PM20D2: variants seen among roughly 807,000 people sequenced by gnomAD.
The protein encoded by PM20D2 is xaa-Arg dipeptidase.
A neutral mutation model predicts 42.9 loss-of-function variants in PM20D2; 33 were observed. The observed-to-expected ratio is 0.77, with a 90% confidence interval of 0.58 to 1.03. The LOEUF is 1.03. PM20D2 is among the 50% of genes least tolerant of loss of function. The pLI is 0.00. For missense variants in PM20D2, 548 were observed against 557.0 expected (o/e 0.98, Z 0.16); for synonymous variants, 250 against 228.2 (o/e 1.10, Z -0.86).
the PM20D2 span, among the ~76,000 whole-genome samples, chr6:89,103,482 C>T: frequency 5.9e-5 from 9 of 152,186 alleles, no homozygotes; most frequent in Admixed American, 5.9e-4. Context: ...GCCTGTGCCA[C>T]CACACCCACC....
At chr6:89,104,757 T>TA in the PM20D2 span, among the ~76,000 whole-genome samples, 61 of 152,106 alleles carry the variant, frequency 4.0e-4, no homozygotes, top group Non-Finnish European at 7.5e-4. Context: ...ATAAAAACTT[T>TA]AAAATATTTT....
the PM20D2 span, among the ~76,000 whole-genome samples, chr6:89,130,441 A>G: frequency 6.6e-6 from 1 of 152,056 alleles, no homozygotes; most frequent in African/African-American, 2.4e-5. Context: ...CTGTGAAATA[A>G]TATGTGTGCA....
chr6:89,107,069 T>A, the PM20D2 span: 1 of 1,229,594 alleles, frequency 8.1e-7, no homozygotes. Flanking sequence ...GCAATATTAA[T>A]CTCATAACAT....
the PM20D2 span, among the ~76,000 whole-genome samples, chr6:89,111,253 C>T: frequency 2.6e-5 from 4 of 152,262 alleles, no homozygotes; most frequent in East Asian, 7.7e-4. Flanking sequence ...GGATTACAGG[C>T]ATGTGCCAGC....
chr6:89,149,316 T>G lies in PM20D2; in HGVS notation c.517T>G (p.Leu173Val), dbSNP rs773384604. The G allele has an allele frequency of 6.2e-7, 1 of 1,614,088 alleles. No individual in the cohort carries two copies. Among genetic ancestry groups the G allele is most frequent in the Non-Finnish European group, 8.5e-7 (1 of 1,179,962 alleles). ...AEEDGGGKID[L>V]IEAGAFTNLD... ...AGAAGATGGTGGTGGCAAAATTGAT[T>G]TAATTGAAGCAGGGGCTTTTACAAA... Residue 173 changes from leucine (L) to valine (V), a missense_variant, in exon 2 of 7, where the codon TTA (leucine) becomes GTA (valine). By Grantham distance (32) the Leu-to-Val change is conservative (BLOSUM62 1). This residue lies in a region of PM20D2 where 470 missense variants were observed against 464.4 expected (regional missense o/e 1.01). Transcript: ENST00000275072.
rs1582329424 is a variant in PM20D2, at chr6:89,146,524, A to G, written c.380A>G (p.Asn127Ser). 6.6e-7 allele frequency: 1 copy of G among 1,513,132 alleles called. No individual in the cohort carries two copies. Among genetic ancestry groups the G allele is most frequent in the Non-Finnish European group, 8.8e-7 (1 of 1,138,158 alleles). The allele number at this position is 1,513,132 out of a possible 1,614,324, so 93.7% of individuals were successfully genotyped here. Residue 127 changes from asparagine (N) to serine (S), a missense_variant, in exon 1 of 7, where the codon AAC becomes AGC. By Grantham distance (46) the Asn-to-Ser change is conservative. Around this residue, in one of 3 missense-constraint regions of PM20D2, gnomAD observed 470 missense variants for 464.4 expected, o/e 1.01. Transcript: ENST00000275072. ...LPGIGHACGH[N>S]LIAEVGAAAA... ...GGCATCGGCCACGCCTGCGGCCACA[A>G]CCTCATCGCTGAGGTCGGGGCGGCG...
chr6:89,122,252 A>C, the PM20D2 span, among the ~76,000 whole-genome samples: 1 of 152,222 alleles, frequency 6.6e-6, no homozygotes, highest in Non-Finnish European at 1.5e-5. Flanking sequence ...TCTTAGAAAC[A>C]TCTATTCTGA....
chr6:89,128,706 A>G, the PM20D2 span, among the ~76,000 whole-genome samples: 4 of 152,192 alleles, frequency 2.6e-5, no homozygotes, highest in Admixed American at 2.0e-4. Context: ...GGTGGGCATC[A>G]TGGTCCCACC....
chr6:89,097,418 T>C, the PM20D2 span: 3 of 152,136 alleles, frequency 2.0e-5, no homozygotes, highest in African/African-American at 4.8e-5. Context: ...GCAATAAATA[T>C]CAATAAAGTT....
the PM20D2 span, among the ~76,000 whole-genome samples, chr6:89,124,297 A>G: frequency 1.3e-5 from 2 of 152,118 alleles, no homozygotes; most frequent in African/African-American, 2.4e-5. Flanking sequence ...TGTAGTTTTA[A>G]CTCTCACACT....
chr6:89,130,812 T>TGCTG, the PM20D2 span, among the ~76,000 whole-genome samples: 4 of 98,260 alleles, frequency 4.1e-5, no homozygotes, highest in African/African-American at 1.1e-4. Context: ...GTATCTGGCT[T>TGCTG]CTTCTTCTTT....
chr6:89,109,608 G>A, the PM20D2 span, among the ~76,000 whole-genome samples: 1 of 152,204 alleles, frequency 6.6e-6, no homozygotes, highest in South Asian at 2.1e-4. Flanking sequence ...GTGCCACAGA[G>A]GTCTGGAGTC....
the PM20D2 span, among the ~76,000 whole-genome samples, chr6:89,117,584 C>G: frequency 1.3e-5 from 2 of 152,176 alleles, no homozygotes; most frequent in African/African-American, 4.8e-5. Flanking sequence ...GACGCGGGCC[C>G]GGGACACGAT....
the PM20D2 span, among the ~76,000 whole-genome samples, chr6:89,125,144 G>A: frequency 6.6e-6 from 1 of 152,150 alleles, no homozygotes; most frequent in African/African-American, 2.4e-5. Context: ...GGTACAAGCA[G>A]ATCAGTTAAA....
chr6:89,138,060 G>A, the PM20D2 span, among the ~76,000 whole-genome samples: 90 of 127,060 alleles, frequency 7.1e-4, 1 homozygote, highest in Non-Finnish European at 1.2e-3. Flanking sequence ...GGGGTTTCAA[G>A]ATTTCTTTTT....
the PM20D2 span, among the ~76,000 whole-genome samples, chr6:89,099,437 T>TACAC: frequency 5.2e-3 from 678 of 131,570 alleles, 24 homozygotes; most frequent in African/African-American, 0.019. Context: ...TGTGTATATA[T>TACAC]ATACACATAT....
At chr6:89,114,458 A>G in the PM20D2 span, among the ~76,000 whole-genome samples, 1 of 152,152 alleles carries the variant, frequency 6.6e-6, no homozygotes, top group South Asian at 2.1e-4. Context: ...AAAAACCACC[A>G]TACATTATAG....
the PM20D2 span, among the ~76,000 whole-genome samples, chr6:89,132,322 CCACAT>C: frequency 6.9e-6 from 1 of 144,900 alleles, no homozygotes; most frequent in African/African-American, 2.9e-5. Context: ...TGCTGCCAAG[CCACAT>C]TCATTCACCT....
At chr6:89,128,838 C>T in the PM20D2 span, among the ~76,000 whole-genome samples, 894 of 152,220 alleles carry the variant, frequency 5.9e-3, 9 homozygotes, top group Admixed American at 0.013. Flanking sequence ...ATATTGGGGG[C>T]GAGTTCCTCC....
Sources: allele counts gnomAD v4.1 joint callset (sites outside exome capture counted in the v4.1 genomes callset), GRCh38; gene constraint gnomAD v4.1.1; regional missense constraint gnomAD v4.1.1; transcripts MANE v1.5; gene names NCBI Gene and HGNC (gene_info 2026-07-23, HGNC 2026-07-21).